The following AP5Z1 variants were observed in gnomAD, a reference collection of about 807,000 sequenced individuals.
AP5Z1 encodes the protein adaptor related protein complex 5 subunit zeta 1, also known as AP-5 complex subunit zeta-1.
In AP5Z1, 106 loss-of-function variants were observed where a neutral mutation model predicts 83.0. The observed-to-expected ratio is 1.28, with a 90% CI of 1.09 to 1.50. The LOEUF (loss-of-function observed/expected upper bound fraction) is 1.50, where lower values mean the gene tolerates loss of function less well. AP5Z1 is among the 40% of genes most tolerant of loss of function. The pLI, the probability that AP5Z1 is intolerant of heterozygous loss-of-function variation, is 0.00. For missense variants in AP5Z1, 1,565 were observed against 1,094.2 expected (o/e 1.43, Z -6.07); for synonymous variants, 751 against 514.1 (o/e 1.46, Z -6.23).
chr7:4,778,956 T>G (rs1164658631), intron 1 of AP5Z1, among the ~76,000 whole-genome samples: 2 of 146,644 alleles, frequency 1.4e-5, no homozygotes, highest in Non-Finnish European at 3.0e-5. Context: ...CTGCTTGAGC[T>G]AGAAGATCAG....
At chr7:4,786,212 G>A (rs773800055) in intron 9 of AP5Z1, 38 bp from the exon 10 acceptor site, 3 of 1,553,876 alleles carry the variant, frequency 1.9e-6, no homozygotes, top group South Asian at 1.2e-5. Flanking sequence ...GCCAGGGCGA[G>A]GTCAAGACGT....
intron 1 of AP5Z1, among the ~76,000 whole-genome samples, chr7:4,779,426 TCATATATAA>T (rs1309622311): frequency 1.4e-5 from 2 of 145,882 alleles, no homozygotes; most frequent in African/African-American, 2.5e-5. Context: ...AACATATATA[TCATATATAA>T]CATATATAAC....
chr7:4,787,969 C>T (rs1476480577), intron 11 of AP5Z1, among the ~76,000 whole-genome samples, 185 bp from the exon 12 acceptor site: 6 of 152,154 alleles, frequency 3.9e-5, no homozygotes, highest in Non-Finnish European at 8.8e-5. Context: ...TTGCCAAGGG[C>T]AGCCCCTGCA....
chr7:4,780,570 C>T (rs759668788), intron 1 of AP5Z1, among the ~76,000 whole-genome samples: 3 of 152,288 alleles, frequency 2.0e-5, no homozygotes, highest in East Asian at 1.9e-4. Flanking sequence ...CAAGACCATC[C>T]TGGCCAACAT....
intron 1 of AP5Z1, among the ~76,000 whole-genome samples, chr7:4,776,270 A>T (rs1259510700): frequency 1.3e-5 from 2 of 151,560 alleles, no homozygotes; most frequent in Non-Finnish European, 2.9e-5. Context: ...ATCACCCTCC[A>T]GGCTGGTTTC....
intron 1 of AP5Z1, among the ~76,000 whole-genome samples, chr7:4,779,692 G>A (rs552836480): frequency 6.6e-6 from 1 of 151,794 alleles, no homozygotes; most frequent in Non-Finnish European, 1.5e-5. Context: ...CCAAGCTGGG[G>A]TGCAATGGCA....
chr7:4,781,864 G>T, intron 3 of AP5Z1, 110 bp downstream of exon 3: 3 of 1,256,170 alleles, frequency 2.4e-6, no homozygotes, highest in Non-Finnish European at 3.2e-6. Context: ...TGTTGTAGAC[G>T]CATCTCGGTG....
At position 4,781,210 on chromosome 7, in the gene AP5Z1, C is replaced by G; in HGVS notation, c.77C>G (p.Ser26Cys). 6.2e-7 allele frequency: 1 copy of G among 1,613,956 alleles called. No individual in the cohort carries two copies. The highest frequency in any genetic ancestry group is 8.5e-7 in the Non-Finnish European group (1 of 1,179,882). The change falls in exon 2 of 17, where the codon TCC becomes TGC. Residue 26 changes from serine to cysteine, a missense_variant. Physicochemically the swap from Ser to Cys is moderately radical, Grantham distance 112. Transcript: ENST00000649063. The stretch of plus-strand genomic sequence containing the variant: ...GACGAGGAGCTGAAGAAGTTCTGTT[C>G]CCGGATCTGTAAACTGCTGCAGGCG... ...IQDEELKKFC[S>C]RICKLLQAED...
intron 2 of AP5Z1, 59 bp from the exon 3 acceptor site, chr7:4,781,509 G>T: frequency 6.4e-7 from 1 of 1,572,946 alleles, no homozygotes; most frequent in South Asian, 1.1e-5. Context: ...CTGGGGCACC[G>T]GGTGCTCCTG....
chr7:4,791,009 T>C, intron 16 of AP5Z1, 106 bp from the exon 17 acceptor site: 1 of 1,468,894 alleles, frequency 6.8e-7, no homozygotes, highest in Admixed American at 2.3e-5. Context: ...TGGGCCCTGC[T>C]GAGCTAAAGC....
chr7:4,779,293 A>C (rs894402583), intron 1 of AP5Z1, among the ~76,000 whole-genome samples: 1 of 147,384 alleles, frequency 6.8e-6, no homozygotes, highest in Non-Finnish European at 1.5e-5. Context: ...TAACGCATAT[A>C]ACAACATATA....
intron 1 of AP5Z1, among the ~76,000 whole-genome samples, chr7:4,780,705 G>A (rs1781358237): frequency 6.6e-6 from 1 of 152,176 alleles, no homozygotes; most frequent in Non-Finnish European, 1.5e-5. Context: ...GGCGAAGGTT[G>A]CAGTGAGCCG....
Position 4,790,658 on chromosome 7 carries a change from T to G in AP5Z1, c.1939-15T>G. Reference sequence around the variant, plus strand: ...GAGGCCTGGGTGGGGGCTGAATCTCTGTCCCCGGGCCTAGGTGTGGGCCAT... The same window carrying G: ...GAGGCCTGGGTGGGGGCTGAATCTCGGTCCCCGGGCCTAGGTGTGGGCCAT... On this transcript the variant is annotated splice_polypyrimidine_tract_variant and intron_variant, in intron 15 of 16. Coordinates refer to ENST00000649063, the MANE Select transcript of AP5Z1 (RefSeq NM_014855.3). The G allele has an allele frequency of 6.2e-7, 1 of 1,612,070 alleles. No homozygotes were observed. The highest frequency in any genetic ancestry group is 8.5e-7 in the Non-Finnish European group (1 of 1,179,474).
chr7:4,790,446 G>A lies in AP5Z1; in HGVS notation c.1806-13G>A. ...TCTGCACAGAGCAGGCGTAGACCCG[G>A]CTTTCTGGGCAGTGTGCTGAGTTCT... is the stretch of plus-strand genomic sequence containing the variant. On this transcript the variant is annotated splice_polypyrimidine_tract_variant and intron_variant, in intron 14 of 16. Transcript: ENST00000649063. 1 of 1,613,044 alleles carries A rather than the reference G, an allele frequency of 6.2e-7. No individual in the cohort carries two copies. The highest frequency in any genetic ancestry group is 1.3e-5 in the African/African-American group (1 of 75,072).
At chr7:4,782,983 T>TGGGATCCACACTGGAGGCCC (rs1781421364) in intron 3 of AP5Z1, among the ~76,000 whole-genome samples, 1 of 151,994 alleles carries the variant, frequency 6.6e-6, no homozygotes, top group Admixed American at 6.5e-5. Context: ...GTTTAAAGAC[T>TGGGATCCACACTGGAGGCCC]GGGATCCACA....
chr7:4,786,079 G>A (rs1457768995), intron 9 of AP5Z1, among the ~76,000 whole-genome samples, 171 bp from the exon 10 acceptor site: 2 of 152,216 alleles, frequency 1.3e-5, no homozygotes, highest in East Asian at 1.9e-4. Flanking sequence ...AGCTGTCCGT[G>A]TCCCTGGGCG....
intron 11 of AP5Z1, 125 bp downstream of exon 11, chr7:4,787,901 C>T: frequency 7.9e-7 from 1 of 1,259,510 alleles, no homozygotes; most frequent in Non-Finnish European, 1.1e-6. Context: ...CAACACCTGA[C>T]CAGTCCTCCC....
intron 7 of AP5Z1, 108 bp from the exon 8 acceptor site, chr7:4,785,307 A>AC (rs901932189): frequency 3.3e-5 from 47 of 1,444,376 alleles, no homozygotes; most frequent in Non-Finnish European, 3.8e-5. Flanking sequence ...GGCCTGTCCC[A>AC]CCCCCCTGCT....
At chr7:4,785,949 T>A (rs1173613037) in intron 9 of AP5Z1, among the ~76,000 whole-genome samples, 2 of 152,116 alleles carry the variant, frequency 1.3e-5, no homozygotes, top group African/African-American at 4.8e-5. Flanking sequence ...TGTTGGTAAT[T>A]TTTAAACTTT....
Sources: gnomAD v4.1 joint callset for allele counts (sites outside exome capture counted in the v4.1 genomes callset) on GRCh38, gnomAD v4.1.1 for gene constraint, MANE v1.5 for transcripts, NCBI Gene and HGNC (gene_info 2026-07-23, HGNC 2026-07-21) for gene names.